Variants in FSTL5 observed in about 807,000 individuals in gnomAD.
FSTL5 encodes the protein follistatin-related protein 5.
In FSTL5, 62 loss-of-function variants were observed where a neutral mutation model predicts 89.1. The observed-to-expected ratio is 0.70, with a 90% CI of 0.57 to 0.86. FSTL5 has a LOEUF of 0.86. Among genes scored for constraint, FSTL5 ranks in the 40% least tolerant of loss-of-function variants. FSTL5 has a pLI of 0.00. For missense variants in FSTL5, 1,057 were observed against 1,001.6 expected (o/e 1.06, Z -0.75); for synonymous variants, 383 against 346.2 (o/e 1.11, Z -1.18).
intron 3 of FSTL5, among the ~76,000 whole-genome samples, chr4:161,966,962 C>A (rs1468994193): frequency 2.6e-5 from 4 of 151,750 alleles, no homozygotes; most frequent in African/African-American, 9.7e-5. Flanking sequence ...AAACCTCAAT[C>A]TTTTACAGTG....
chr4:162,038,850 G>A (rs965501779), intron 2 of FSTL5, among the ~76,000 whole-genome samples: 1 of 151,768 alleles, frequency 6.6e-6, no homozygotes. Flanking sequence ...AATGCTAAAT[G>A]CTAAGTGCAT....
At chr4:161,672,484 A>G (rs1467325698) in intron 6 of FSTL5, among the ~76,000 whole-genome samples, 1 of 152,062 alleles carries the variant, frequency 6.6e-6, no homozygotes, top group Non-Finnish European at 1.5e-5. Context: ...TTTTTGTAGG[A>G]AGAATGGCCA....
At chr4:161,658,491 G>GT (rs1453662924) in intron 6 of FSTL5, among the ~76,000 whole-genome samples, 1 of 151,634 alleles carries the variant, frequency 6.6e-6, no homozygotes, top group Non-Finnish European at 1.5e-5. Flanking sequence ...TTTTCGGTCT[G>GT]TTTTAGATTA....
intron 2 of FSTL5, among the ~76,000 whole-genome samples, chr4:162,058,031 T>C (rs1199910103): frequency 6.6e-6 from 1 of 152,162 alleles, no homozygotes; most frequent in African/African-American, 2.4e-5. Context: ...AAGGATAGTG[T>C]AATATGTTAA....
intron 3 of FSTL5, among the ~76,000 whole-genome samples, chr4:161,957,007 G>T (rs536171466): frequency 3.0e-4 from 46 of 152,052 alleles, no homozygotes; most frequent in Non-Finnish European, 5.7e-4. Context: ...GCTATTTATT[G>T]CAGTATGGTT....
rs561928316 is a variant in FSTL5 at position 161,838,616 on chromosome 4, T to C, written c.410-62542A>G. Among the ~76,000 whole-genome samples, 3 of 152,216 alleles carry C rather than the reference T, an allele frequency of 2.0e-5. No individual in the cohort carries two copies. The East Asian group carries it at 5.8e-4, about 29-fold the overall frequency. ...TTTTCTTATTCCTAAATTTTATCCATATAAGAAAAGAGGATCAAAGGTTGA... is the reference window on the plus strand; with the variant it reads ...TTTTCTTATTCCTAAATTTTATCCACATAAGAAAAGAGGATCAAAGGTTGA... On this transcript the variant is annotated intron_variant, in intron 4 of 15. Transcript: ENST00000306100.
At chr4:161,968,427 A>G (rs781638393) in intron 3 of FSTL5, among the ~76,000 whole-genome samples, 3 of 152,170 alleles carry the variant, frequency 2.0e-5, no homozygotes, top group Non-Finnish European at 4.4e-5. Context: ...GTTGAAAAGC[A>G]GTTTTGATTT....
intron 15 of FSTL5, among the ~76,000 whole-genome samples, chr4:161,392,275 T>G (rs913419706): frequency 1.3e-5 from 2 of 151,946 alleles, no homozygotes; most frequent in African/African-American, 2.4e-5. Context: ...TTGCCCAAGC[T>G]GGAGTTCAGT....
At chr4:161,558,424 A>G (rs1025459238) in intron 8 of FSTL5, among the ~76,000 whole-genome samples, 1 of 151,082 alleles carries the variant, frequency 6.6e-6, no homozygotes, top group Non-Finnish European at 1.5e-5. Context: ...GTTATCTCAA[A>G]ATTAAAAAGT....
At chr4:161,726,673 T>C (rs1739430267) in intron 6 of FSTL5, among the ~76,000 whole-genome samples, 1 of 152,142 alleles carries the variant, frequency 6.6e-6, no homozygotes, top group African/African-American at 2.4e-5. Flanking sequence ...CACCATTTTG[T>C]TACAAAGACT....
intron 1 of FSTL5, among the ~76,000 whole-genome samples, chr4:162,127,324 C>A (rs998808850): frequency 6.6e-6 from 1 of 152,078 alleles, no homozygotes; most frequent in African/African-American, 2.4e-5. Context: ...TTTGTAATAG[C>A]CTCAAAGTCT....
At chr4:161,795,694 C>A (rs1460525319) in intron 4 of FSTL5, among the ~76,000 whole-genome samples, 1 of 152,020 alleles carries the variant, frequency 6.6e-6, no homozygotes, top group East Asian at 1.9e-4. Flanking sequence ...GTTTACCCAG[C>A]ACTATTTGTT....
chr4:162,056,693 T>C (rs1463479703), intron 2 of FSTL5, among the ~76,000 whole-genome samples: 1 of 152,190 alleles, frequency 6.6e-6, no homozygotes, highest in African/African-American at 2.4e-5. Flanking sequence ...TAGGAATCCT[T>C]AATAAAACAT....
At chr4:161,575,888 T>C (rs1733191559) in intron 8 of FSTL5, among the ~76,000 whole-genome samples, 1 of 152,196 alleles carries the variant, frequency 6.6e-6, no homozygotes, top group Non-Finnish European at 1.5e-5. Flanking sequence ...TGTCTCTGTT[T>C]GGAGATGACA....
In FSTL5 at chr4:161,972,342, G is replaced by A. The variant is rs1339053297; in HGVS notation, c.161-51690C>T. Reference sequence around the variant, plus strand: ...ACATGTCTCGGCCTCCTAAAGTGCTGGGATTACAAGCGTGAGCCATCACAC... The same window carrying A: ...ACATGTCTCGGCCTCCTAAAGTGCTAGGATTACAAGCGTGAGCCATCACAC... On this transcript the variant is annotated intron_variant, in intron 3 of 15. Coordinates refer to ENST00000306100, the MANE Select transcript of FSTL5 (RefSeq NM_020116.5). Among the ~76,000 whole-genome samples the A allele has an allele frequency of 2.0e-5, 3 of 152,098 alleles. No individual in the cohort carries two copies. The South Asian group carries it at 6.2e-4, about 32-fold the overall frequency.
chr4:161,904,609 T>C (rs746953204), intron 4 of FSTL5, among the ~76,000 whole-genome samples: 2 of 146,960 alleles, frequency 1.4e-5, no homozygotes, highest in Non-Finnish European at 3.0e-5. Flanking sequence ...TTATAAAAGA[T>C]ATTCATATTT....
intron 3 of FSTL5, among the ~76,000 whole-genome samples, chr4:161,937,358 C>A (rs4691034): frequency 0.33 from 49,395 of 151,890 alleles, 9,691 homozygotes; most frequent in Non-Finnish European, 0.43. Context: ...GATGGTAGGA[C>A]ATAATTAATA....
At chr4:161,812,935 G>T (rs993648994) in intron 4 of FSTL5, among the ~76,000 whole-genome samples, 1 of 118,120 alleles carries the variant, frequency 8.5e-6, no homozygotes, top group African/African-American at 3.0e-5. Flanking sequence ...ATAAGAGCCA[G>T]TAAGAAATCT....
At chr4:161,931,658 T>G (rs916002820) in intron 3 of FSTL5, among the ~76,000 whole-genome samples, 1 of 151,860 alleles carries the variant, frequency 6.6e-6, no homozygotes, top group African/African-American at 2.4e-5. Context: ...AATAAACTGG[T>G]GGTCACAAAT....
Sources: gnomAD v4.1 joint callset for allele counts (sites outside exome capture counted in the v4.1 genomes callset) on GRCh38, gnomAD v4.1.1 for gene constraint, MANE v1.5 for transcripts, NCBI Gene and HGNC (gene_info 2026-07-23, HGNC 2026-07-21) for gene names.